Variants in USP15 observed in about 807,000 individuals in gnomAD.
USP15 encodes the protein ubiquitin specific peptidase 15.
A neutral mutation model predicts 127.1 loss-of-function variants in USP15; 18 were observed. The observed-to-expected ratio is 0.14, with a 90% confidence interval of 0.10 to 0.21. The LOEUF is 0.21. Among genes scored for constraint, USP15 ranks in the 10% least tolerant of loss-of-function variants. USP15 has a pLI of 1.00. For synonymous variants in USP15, 364 were observed against 393.7 expected, an observed-to-expected ratio of 0.92 and a Z score of 0.89; for missense variants, 805 against 1,159.9, an observed-to-expected ratio of 0.69 and a Z score of 4.44.
In USP15 at chr12:62,406,681, T is replaced by G. The variant is rs2067877174; in HGVS notation, c.*2306T>G. 1 of 152,190 alleles carries G rather than the reference T, an allele frequency of 6.6e-6. No individual in the cohort carries two copies. Among genetic ancestry groups the G allele is most frequent in the Non-Finnish European group, 1.5e-5 (1 of 68,024 alleles). 9.4% of individuals were successfully genotyped at this position (152,190 alleles called of 1,614,324 possible). A position where few individuals can be genotyped will look rare whatever the true frequency, so the allele number is the denominator to read the frequency against. On this transcript the variant is annotated 3_prime_UTR_variant, in exon 22 of 22. Coordinates refer to ENST00000280377, the MANE Select transcript of USP15 (RefSeq NM_001252078.2). ...TCTAATTAAAAGTAGGCATTCAGACTGGGCACGGTGGTTCATGCCTGTAAT... is the reference window on the plus strand; with the variant it reads ...TCTAATTAAAAGTAGGCATTCAGACGGGGCACGGTGGTTCATGCCTGTAAT...
intron 7 of USP15, among the ~76,000 whole-genome samples, chr12:62,354,742 G>A (rs1157446886): frequency 2.6e-5 from 4 of 151,882 alleles, no homozygotes; most frequent in Non-Finnish European, 5.9e-5. Context: ...ATATACTTGC[G>A]TGGAATCATT....
At chr12:62,358,486 G>A (rs1451444741) in intron 8 of USP15, among the ~76,000 whole-genome samples, 2 of 152,250 alleles carry the variant, frequency 1.3e-5, no homozygotes, top group East Asian at 3.9e-4. Flanking sequence ...AGGCCAAGGC[G>A]AGTGGATCAC....
intron 8 of USP15, among the ~76,000 whole-genome samples, chr12:62,356,095 G>A (rs990251190): frequency 2.0e-5 from 3 of 151,196 alleles, no homozygotes; most frequent in African/African-American, 4.9e-5. Context: ...CTGTTACTGT[G>A]TATAAACTTA....
At chr12:62,294,105 C>A (rs1277404200) in intron 1 of USP15, 74 bp from the exon 2 acceptor site, 5 of 1,487,476 alleles carry the variant, frequency 3.4e-6, no homozygotes, top group Non-Finnish European at 4.5e-6. Context: ...AAGGAAATAT[C>A]AAAAAATAGA....
intron 11 of USP15, among the ~76,000 whole-genome samples, chr12:62,386,115 G>A (rs1041917530): frequency 4.0e-5 from 6 of 150,850 alleles, no homozygotes; most frequent in African/African-American, 9.7e-5. Flanking sequence ...ATAAATTTGC[G>A]GAGGTTAGAG....
intron 19 of USP15, among the ~76,000 whole-genome samples, chr12:62,394,130 C>T (rs2067409088): frequency 6.6e-6 from 1 of 151,952 alleles, no homozygotes; most frequent in Non-Finnish European, 1.5e-5. Flanking sequence ...TTTTTTCTTC[C>T]CCTGCTTTTA....
chr12:62,347,324 G>C (rs78856566), intron 6 of USP15, among the ~76,000 whole-genome samples: 49,606 of 150,412 alleles, frequency 0.33, 8,737 homozygotes, highest in African/African-American at 0.46. Flanking sequence ...TATGTACACA[G>C]ACATACACAG....
At chr12:62,395,744 G>A (rs1193496675) in intron 19 of USP15, among the ~76,000 whole-genome samples, 3 of 151,468 alleles carry the variant, frequency 2.0e-5, no homozygotes, top group African/African-American at 7.3e-5. Context: ...ATGAGAACAT[G>A]GGATGTTTGT....
At chr12:62,354,136 CGTGTGT>C (rs948207975) in intron 7 of USP15, among the ~76,000 whole-genome samples, 1 of 146,590 alleles carries the variant, frequency 6.8e-6, no homozygotes, top group Non-Finnish European at 1.5e-5. Flanking sequence ...TGTGTGTGTG[CGTGTGT>C]GTGTGTGTAT....
At chr12:62,377,524 A>C (rs2066866724) in intron 8 of USP15, among the ~76,000 whole-genome samples, 1 of 152,148 alleles carries the variant, frequency 6.6e-6, no homozygotes. Flanking sequence ...GTTCAAGACC[A>C]GCCTGGCCAA....
At chr12:62,373,802 T>G (rs2066748509) in intron 8 of USP15, among the ~76,000 whole-genome samples, 1 of 151,960 alleles carries the variant, frequency 6.6e-6, no homozygotes, top group Non-Finnish European at 1.5e-5. Flanking sequence ...AATTGATCTC[T>G]CAAATTTAAT....
chr12:62,382,001 A>G (rs2067004047), intron 9 of USP15, among the ~76,000 whole-genome samples: 1 of 152,064 alleles, frequency 6.6e-6, no homozygotes, highest in South Asian at 2.1e-4. Flanking sequence ...AATATAGTAC[A>G]TCTCTGGAAA....
At chr12:62,262,768 C>T (rs750832788) in intron 1 of USP15, among the ~76,000 whole-genome samples, 4 of 152,052 alleles carry the variant, frequency 2.6e-5, no homozygotes, top group Non-Finnish European at 4.4e-5. Context: ...TCCCAAAATG[C>T]TAGTATTACA....
intron 7 of USP15, among the ~76,000 whole-genome samples, chr12:62,350,107 T>C (rs1031828278): frequency 2.0e-5 from 3 of 151,910 alleles, no homozygotes; most frequent in African/African-American, 7.2e-5. Context: ...TAGATATTTA[T>C]CTAATACTTA....
intron 3 of USP15, chr12:62,304,796 TTAG>T: frequency 2.5e-6 from 1 of 401,298 alleles, no homozygotes; most frequent in Non-Finnish European, 5.0e-6. Flanking sequence ...GGTAATTGAG[TTAG>T]TAGATTTTAG....
chr12:62,335,187 C>T (rs1456471755), intron 6 of USP15: 5 of 1,535,662 alleles, frequency 3.3e-6, no homozygotes, highest in South Asian at 1.2e-5. Context: ...AGCAGAGTTG[C>T]TAGTGAACAG....
chr12:62,413,465 C>G lies in USP15; in HGVS notation c.*9090C>G, dbSNP rs1403957060. 1 of 152,178 alleles carries G rather than the reference C, an allele frequency of 6.6e-6. No homozygotes were observed. The highest frequency in any genetic ancestry group is 1.5e-5 in the Non-Finnish European group (1 of 68,032). The allele number at this position is 152,178 out of a possible 1,614,324, so 9.4% of individuals were successfully genotyped here. On this transcript the variant is annotated 3_prime_UTR_variant, in exon 22 of 22. Coordinates refer to ENST00000280377, the MANE Select transcript of USP15 (RefSeq NM_001252078.2). Reference sequence around the variant, plus strand: ...TGAAAGTTTGTTTTTAGTGTAACTACCTTCATCAATGATCTTAGCTAGATC... The same window carrying G: ...TGAAAGTTTGTTTTTAGTGTAACTAGCTTCATCAATGATCTTAGCTAGATC...
chr12:62,349,130 C>G, intron 6 of USP15, 91 bp from the exon 7 acceptor site: 1 of 758,740 alleles, frequency 1.3e-6, no homozygotes, highest in Non-Finnish European at 1.9e-6. Flanking sequence ...CATTCATTTA[C>G]TACAAACATT....
chr12:62,321,761 C>T, intron 5 of USP15, 152 bp downstream of exon 5: 3 of 533,050 alleles, frequency 5.6e-6, no homozygotes, highest in Non-Finnish European at 5.9e-6. Flanking sequence ...GTTACTGACT[C>T]TGACTTTTGA....
Sources: allele counts gnomAD v4.1 joint callset (sites outside exome capture counted in the v4.1 genomes callset), GRCh38; gene constraint gnomAD v4.1.1; transcripts MANE v1.5; gene names NCBI Gene and HGNC (gene_info 2026-07-23, HGNC 2026-07-21).